The following AP2B1 variants were observed in gnomAD, a reference collection of about 807,000 sequenced individuals.
AP2B1 encodes AP-2 complex subunit beta.
In AP2B1, 23 loss-of-function variants were observed where a neutral mutation model predicts 102.0. That is an observed-to-expected ratio of 0.23 (90% CI 0.16 to 0.32). AP2B1 has a LOEUF of 0.32. Ranked by LOEUF, AP2B1 falls within the 10% of genes least tolerant of loss-of-function variation. AP2B1 has a pLI of 1.00. For synonymous variants in AP2B1, 381 were observed against 421.2 expected, an observed-to-expected ratio of 0.90 and a Z score of 1.17; for missense variants, 541 against 1,157.4, an observed-to-expected ratio of 0.47 and a Z score of 7.73.
intron 12 of AP2B1, among the ~76,000 whole-genome samples, chr17:35,644,936 G>C (rs888379223): frequency 6.6e-6 from 1 of 152,040 alleles, no homozygotes; most frequent in Non-Finnish European, 1.5e-5. Context: ...GGAGGTTGAG[G>C]TGGGAGGATC....
At chr17:35,661,399 G>C (rs184930711) in intron 14 of AP2B1, among the ~76,000 whole-genome samples, 43 of 152,284 alleles carry the variant, frequency 2.8e-4, no homozygotes, top group Admixed American at 2.5e-3. Flanking sequence ...AATGGAGTTA[G>C]GTAGAGATGT....
At chr17:35,640,241 T>TA (rs55728172) in intron 11 of AP2B1, among the ~76,000 whole-genome samples, 14,562 of 131,464 alleles carry the variant, frequency 0.11, 1,024 homozygotes, top group African/African-American at 0.2. Context: ...TTTTTTTTTT[T>TA]TTTTTTTTTT....
At chr17:35,715,701 G>C (rs2076537810) in intron 20 of AP2B1, among the ~76,000 whole-genome samples, 1 of 152,182 alleles carries the variant, frequency 6.6e-6, no homozygotes, top group African/African-American at 2.4e-5. Flanking sequence ...GTGATTAAAA[G>C]GGCATATTGA....
At chr17:35,647,539 A>G (rs990494535) in intron 12 of AP2B1, among the ~76,000 whole-genome samples, 1 of 152,204 alleles carries the variant, frequency 6.6e-6, no homozygotes, top group African/African-American at 2.4e-5. Flanking sequence ...ACACATTTCT[A>G]TTAGAATAAT....
intron 11 of AP2B1, among the ~76,000 whole-genome samples, chr17:35,640,239 T>TTC (rs1555566367): frequency 2.6e-5 from 1 of 38,890 alleles, no homozygotes; most frequent in African/African-American, 1.2e-4. Context: ...TTTTTTTTTT[T>TTC]TTTTTTTTTT....
chr17:35,724,551 C>T lies in AP2B1; in HGVS notation c.*852C>T, dbSNP rs2143016769. On this transcript the variant is annotated 3_prime_UTR_variant, in exon 22 of 22. Coordinates refer to ENST00000610402, the MANE Select transcript of AP2B1 (RefSeq NM_001030006.2). The stretch of plus-strand genomic sequence containing the variant: ...TGGGGAACAAGAACCCAGATGCTGT[C>T]CCCTCACCCCCTCTCCTGTATTTCT... 1 of 152,298 alleles carries T rather than the reference C, an allele frequency of 6.6e-6. No individual in the cohort carries two copies. Among genetic ancestry groups the T allele is most frequent in the East Asian group, 1.9e-4 (1 of 5,190 alleles). 9.4% of individuals were successfully genotyped at this position (152,298 alleles called of 1,614,324 possible).
chr17:35,669,198 C>T (rs2075534918), intron 14 of AP2B1, among the ~76,000 whole-genome samples: 1 of 147,760 alleles, frequency 6.8e-6, no homozygotes, highest in African/African-American at 2.5e-5. Flanking sequence ...GGATGAAGTG[C>T]AATGGCATGA....
intron 18 of AP2B1, among the ~76,000 whole-genome samples, chr17:35,703,748 G>A (rs1280882863): frequency 6.6e-6 from 1 of 152,158 alleles, no homozygotes; most frequent in African/African-American, 2.4e-5. Flanking sequence ...TAATAGCTGG[G>A]TGATAAAATA....
In AP2B1 at chr17:35,657,609, G is replaced by A. The variant is rs1196026752; in HGVS notation, c.1807G>A (p.Gly603Ser). ...TGTATGTGACTTTAGCACTGATGCA[G>A]GTGACAGCCCTGTTGGCACTACCAC... ...LPIHHGSTDAGDSPVGTTTAT... is the reference protein window; with the variant it reads ...LPIHHGSTDASDSPVGTTTAT... Residue 603 changes from glycine (G) to serine (S), a missense_variant, in exon 14 of 22, where the codon GGT (glycine) becomes AGT (serine). Transcript: ENST00000610402. The A allele has an allele frequency of 1.4e-5, 22 of 1,613,000 alleles. No individual in the cohort carries two copies. Among genetic ancestry groups the A allele is most frequent in the Non-Finnish European group, 1.9e-5 (22 of 1,179,298 alleles).
intron 4 of AP2B1, among the ~76,000 whole-genome samples, chr17:35,607,079 A>G (rs926017526): frequency 1.3e-5 from 2 of 152,016 alleles, no homozygotes; most frequent in African/African-American, 2.4e-5. Flanking sequence ...CTAATTTTGT[A>G]TATTTAGTAG....
intron 14 of AP2B1, among the ~76,000 whole-genome samples, chr17:35,662,948 G>C (rs1210975746): frequency 6.6e-6 from 1 of 152,202 alleles, no homozygotes. Flanking sequence ...TGCCCAGCTT[G>C]AGTGGTATGG....
intron 18 of AP2B1, among the ~76,000 whole-genome samples, chr17:35,693,823 T>G (rs918525901): frequency 3.9e-5 from 6 of 152,182 alleles, no homozygotes; most frequent in African/African-American, 1.4e-4. Context: ...TATGACCTTC[T>G]TCCCCAGTGG....
At chr17:35,640,744 C>T (rs1356065964) in intron 11 of AP2B1, among the ~76,000 whole-genome samples, 1 of 152,174 alleles carries the variant, frequency 6.6e-6, no homozygotes, top group Admixed American at 6.5e-5. Flanking sequence ...GCTGGCAATC[C>T]GGAACCACAC....
At chr17:35,616,241 T>C (rs1322115943) in intron 5 of AP2B1, among the ~76,000 whole-genome samples, 2 of 127,286 alleles carry the variant, frequency 1.6e-5, no homozygotes, top group East Asian at 5.2e-4. Flanking sequence ...CTCGGCTCAC[T>C]GCAAGCTCCG....
At position 35,677,093 on chromosome 17, in the gene AP2B1, GA is replaced by G. The variant is rs1176137000; in HGVS notation, c.2324+2773del. Among the ~76,000 whole-genome samples the G allele has an allele frequency of 2.6e-5, 4 of 152,098 alleles. No individual in the cohort carries two copies. The East Asian group carries it at 7.7e-4, about 29-fold the overall frequency. ...TTGCCTCAAATTCCTGGGCTTAAGT[GA>G]TTCTCCCACCTCAGCCTCCTGAGTA... On this transcript the variant is annotated intron_variant, in intron 17 of 21. Transcript: ENST00000610402.
intron 12 of AP2B1, among the ~76,000 whole-genome samples, chr17:35,647,461 C>T (rs1039400874): frequency 1.5e-4 from 22 of 151,516 alleles, no homozygotes; most frequent in African/African-American, 3.9e-4. Context: ...TTTTTTAACC[C>T]GGGCATTTCA....
chr17:35,645,004 G>C (rs2074887678), intron 12 of AP2B1, among the ~76,000 whole-genome samples: 1 of 151,512 alleles, frequency 6.6e-6, no homozygotes, highest in Admixed American at 6.6e-5. Flanking sequence ...TGCACTCCAG[G>C]CTGGGTAATA....
intron 5 of AP2B1, chr17:35,621,345 A>G: frequency 1.0e-6 from 1 of 985,392 alleles, no homozygotes; most frequent in Non-Finnish European, 1.2e-6. Flanking sequence ...CGGACCAGGA[A>G]AACTGAGAGT....
chr17:35,595,945 A>G lies in AP2B1; in HGVS notation c.37+1878A>G, dbSNP rs527550430. On this transcript the variant is annotated intron_variant, in intron 2 of 21. Transcript: ENST00000610402. Reference sequence around the variant, plus strand: ...TAGTTATAATTTTAAAACTCTCCTAATTCTTCAAACCTACTCTTGAAAAGT... The same window carrying G: ...TAGTTATAATTTTAAAACTCTCCTAGTTCTTCAAACCTACTCTTGAAAAGT... Among the ~76,000 whole-genome samples the G allele has an allele frequency of 2.6e-5, 4 of 152,276 alleles. No homozygotes were observed. In the East Asian group the frequency reaches 7.7e-4, roughly 29 times the overall value.
Sources: allele counts gnomAD v4.1 joint callset (sites outside exome capture counted in the v4.1 genomes callset), GRCh38; gene constraint gnomAD v4.1.1; transcripts MANE v1.5; gene names NCBI Gene and HGNC (gene_info 2026-07-23, HGNC 2026-07-21).